Variants in UPK3A observed in about 807,000 individuals in gnomAD.
UPK3A encodes the protein uroplakin 3A, also known as uroplakin-3a.
Under a neutral mutation model 27.6 loss-of-function variants are expected in UPK3A, and 32 were observed. The observed-to-expected ratio is 1.16, with a 90% confidence interval of 0.87 to 1.55. The LOEUF (loss-of-function observed/expected upper bound fraction) is 1.55. UPK3A is among the 40% of genes most tolerant of loss of function. UPK3A has a pLI of 0.00. For synonymous variants in UPK3A, 171 were observed against 163.9 expected, an observed-to-expected ratio of 1.04 and a Z score of -0.33; for missense variants, 370 against 367.9, an observed-to-expected ratio of 1.01 and a Z score of -0.05.
In UPK3A at chr22:45,287,823, C is replaced by T. The variant is rs557113907; in HGVS notation, c.488+372C>T. On this transcript the variant is annotated intron_variant, in intron 3 of 5. Coordinates refer to ENST00000216211, the MANE Select transcript of UPK3A (RefSeq NM_006953.4). ...GATTACAGGTGCACACCACCATGCC[C>T]GGCTAATTTTTTGTGTTTTTAGTAC... 7.2e-5 allele frequency among the ~76,000 whole-genome samples: 11 copies of T among 151,994 alleles called. No individual in the cohort carries two copies. The East Asian group carries it at 1.6e-3, about 22-fold the overall frequency.
intron 4 of UPK3A, among the ~76,000 whole-genome samples, chr22:45,291,063 A>G (rs1019523318): frequency 2.6e-5 from 4 of 152,234 alleles, no homozygotes; most frequent in African/African-American, 9.7e-5. Context: ...ATAACTGCAT[A>G]TAAGGTGCTT....
chr22:45,291,681 G>A (rs1003307707), intron 4 of UPK3A, among the ~76,000 whole-genome samples: 4 of 151,090 alleles, frequency 2.6e-5, no homozygotes, highest in African/African-American at 7.3e-5. Context: ...GAGTTGGTAT[G>A]TGTGGTGTCT....
intron 4 of UPK3A, among the ~76,000 whole-genome samples, chr22:45,292,612 C>T (rs971363980): frequency 3.3e-5 from 5 of 152,112 alleles, no homozygotes; most frequent in African/African-American, 1.2e-4. Flanking sequence ...TAAAATTATG[C>T]AAAGCCGGGG....
intron 3 of UPK3A, among the ~76,000 whole-genome samples, chr22:45,287,788 G>A (rs968456364): frequency 3.9e-5 from 6 of 151,968 alleles, no homozygotes; most frequent in African/African-American, 9.7e-5. Context: ...TCAGCCTCCC[G>A]AGTAGCTGAG....
In UPK3A at chr22:45,293,220, G is replaced by A. The variant is rs775909321; in HGVS notation, c.611G>A (p.Arg204Gln). The A allele has an allele frequency of 2.6e-5, 42 of 1,613,970 alleles. No individual in the cohort carries two copies. The highest frequency in any genetic ancestry group is 1.3e-4 in the Admixed American group (8 of 60,000). Reference sequence around the variant, plus strand: ...ACGATCGACACGTGGCCAGGCCGGCGGAGCGGAGGCATGATCGTCATCACT... The same window carrying A: ...ACGATCGACACGTGGCCAGGCCGGCAGAGCGGAGGCATGATCGTCATCACT... ...YSTIDTWPGR[R>Q]SGGMIVITSI... Residue 204 changes from arginine to glutamine, a missense_variant, in exon 5 of 6, where the codon CGG (arginine) becomes CAG (glutamine). Coordinates refer to ENST00000216211, the MANE Select transcript of UPK3A (RefSeq NM_006953.4).
At chr22:45,285,174 A>ACTG in intron 1 of UPK3A, 109 bp downstream of exon 1, 1 of 1,061,630 alleles carries the variant, frequency 9.4e-7, no homozygotes, top group South Asian at 1.5e-5. Flanking sequence ...CCCAGATATT[A>ACTG]CTGTTATGAA....
intron 1 of UPK3A, among the ~76,000 whole-genome samples, 170 bp downstream of exon 1, chr22:45,285,235 C>T (rs957362272): frequency 5.9e-5 from 9 of 152,230 alleles, no homozygotes; most frequent in African/African-American, 2.2e-4. Flanking sequence ...AATCCGAGGG[C>T]TCACAGATGG....
chr22:45,285,565 G>A (rs1361857649), intron 1 of UPK3A, among the ~76,000 whole-genome samples: 2 of 151,982 alleles, frequency 1.3e-5, no homozygotes, highest in African/African-American at 4.8e-5. Context: ...CTTCGTCAGG[G>A]GGCGCTGGGG....
intron 4 of UPK3A, among the ~76,000 whole-genome samples, chr22:45,289,678 G>A (rs1183090767): frequency 1.3e-5 from 2 of 151,736 alleles, no homozygotes; most frequent in Non-Finnish European, 2.9e-5. Context: ...CGCTTGAACT[G>A]GGGAGTCAGA....
At position 45,295,776 on chromosome 22, in the gene UPK3A, G is replaced by T; in HGVS notation, c.*57G>T. 24 of 1,603,984 alleles carry T rather than the reference G, an allele frequency of 1.5e-5. No homozygotes were observed. The highest frequency in any genetic ancestry group is 2.0e-5 in the Non-Finnish European group (24 of 1,175,142). ...CCTCTCTGGCCTTGCCCCAGGCCCT[G>T]CAGCGGTGGTTGTCACACCCTGACT... On this transcript the variant is annotated 3_prime_UTR_variant, in exon 6 of 6. Transcript: ENST00000216211.
At chr22:45,293,937 T>C (rs1312258632) in intron 5 of UPK3A, among the ~76,000 whole-genome samples, 4 of 152,122 alleles carry the variant, frequency 2.6e-5, no homozygotes, top group African/African-American at 9.6e-5. Context: ...GATGAGGACT[T>C]GAGGTCTCCC....
intron 2 of UPK3A, among the ~76,000 whole-genome samples, chr22:45,286,820 T>A (rs1411430194): frequency 6.6e-6 from 1 of 152,110 alleles, no homozygotes; most frequent in Non-Finnish European, 1.5e-5. Flanking sequence ...GAGAGCTGGG[T>A]CCTGCCTCCA....
intron 4 of UPK3A, among the ~76,000 whole-genome samples, chr22:45,292,592 G>C (rs2084169198): frequency 6.6e-6 from 1 of 152,184 alleles, no homozygotes; most frequent in South Asian, 2.1e-4. Flanking sequence ...ACTTGAGTCA[G>C]TTTATGATTT....
Position 45,285,038 on chromosome 22 carries a change from G to A in UPK3A, c.25G>A (p.Ala9Thr), listed in dbSNP as rs1166972052. Reference protein sequence around the residue: MPPLWALLALGCLRFGSAV... With the variant: MPPLWALLTLGCLRFGSAV... ...GATGCCTCCGCTCTGGGCCCTGCTG[G>A]CCCTCGGCTGCCTGCGGTTCGGCTC... is the stretch of plus-strand genomic sequence containing the variant. The change falls in exon 1 of 6, where the codon GCC becomes ACC. Residue 9 changes from alanine to threonine, a missense_variant. Ala to Thr is a moderately conservative substitution (Grantham distance 58). Coordinates refer to ENST00000216211, the MANE Select transcript of UPK3A (RefSeq NM_006953.4). The A allele has an allele frequency of 1.3e-6, 2 of 1,535,438 alleles. No homozygotes were observed. Among genetic ancestry groups the A allele is most frequent in the Non-Finnish European group, 1.7e-6 (2 of 1,147,676 alleles).
Position 45,288,563 on chromosome 22 carries a change from C to A in UPK3A, c.489-498C>A, listed in dbSNP as rs190389944. Among the ~76,000 whole-genome samples the A allele has an allele frequency of 3.2e-3, 481 of 152,244 alleles. 5 individuals carry two copies. The highest frequency in any genetic ancestry group is 0.011 in the African/African-American group (461 of 41,538). On this transcript the variant is annotated intron_variant, in intron 3 of 5. Transcript: ENST00000216211. ...GGCCAGGCTGGTCTCGAGCCCCTGA[C>A]CTCAGGTGATCTGCCCGCCTCAGCC...
At chr22:45,287,568 C>A in intron 3 of UPK3A, 117 bp downstream of exon 3, 1 of 1,369,716 alleles carries the variant, frequency 7.3e-7, no homozygotes, top group Non-Finnish European at 1.0e-6. Flanking sequence ...CTGAGAACAT[C>A]CCAGGTTCCA....
chr22:45,289,051 C>A lies in UPK3A; in HGVS notation c.489-10C>A, dbSNP rs1445876569. The A allele has an allele frequency of 6.2e-7, 1 of 1,613,538 alleles. No individual in the cohort carries two copies. Among genetic ancestry groups the A allele is most frequent in the African/African-American group, 1.3e-5 (1 of 74,936 alleles). On this transcript the variant is annotated splice_polypyrimidine_tract_variant and intron_variant, in intron 3 of 5. Coordinates refer to ENST00000216211, the MANE Select transcript of UPK3A (RefSeq NM_006953.4). ...AGCATAAAAGTCACCCTGGCTCCGT[C>A]TCCTTCCAGGTTCAAGTATGTCCTG... is the stretch of plus-strand genomic sequence containing the variant.
chr22:45,293,443 C>G, intron 5 of UPK3A, 130 bp downstream of exon 5: 1 of 1,221,840 alleles, frequency 8.2e-7, no homozygotes. Context: ...CCCTCTGCCC[C>G]GCGGGTGGGG....
At chr22:45,291,233 G>C (rs13054627) in intron 4 of UPK3A, among the ~76,000 whole-genome samples, 4 of 151,630 alleles carry the variant, frequency 2.6e-5, no homozygotes, top group Admixed American at 2.6e-4. Flanking sequence ...TAGTGTGAGA[G>C]TATGTGTGGT....
Sources: gnomAD v4.1 joint callset for allele counts (sites outside exome capture counted in the v4.1 genomes callset) on GRCh38, gnomAD v4.1.1 for gene constraint, MANE v1.5 for transcripts, NCBI Gene and HGNC (gene_info 2026-07-23, HGNC 2026-07-21) for gene names.